The following KIF1B variants were observed in gnomAD, a reference collection of about 807,000 sequenced individuals.
KIF1B encodes the protein kinesin family member 1B, also known as kinesin-like protein KIF1B.
KIF1B carries 76 observed loss-of-function variants against 241.9 expected under a neutral mutation model. The ratio of observed to expected loss-of-function variants is 0.31; its 90% CI spans 0.26 to 0.38. The LOEUF is 0.38. Among genes scored for constraint, KIF1B ranks in the 10% least tolerant of loss-of-function variants. The pLI, the probability that KIF1B is intolerant of heterozygous loss-of-function variation, is 1.00. For synonymous variants in KIF1B, 750 were observed against 796.7 expected (o/e 0.94, Z 0.99); for missense variants, 1,622 against 2,271.4 (o/e 0.71, Z 5.81).
At chr1:10,235,063 T>G (rs1225370802) in intron 2 of KIF1B, among the ~76,000 whole-genome samples, 1 of 151,786 alleles carries the variant, frequency 6.6e-6, no homozygotes, top group Non-Finnish European at 1.5e-5. Context: ...CTAATTTTTG[T>G]ATTTTTAGTA....
At chr1:10,305,282 A>G in intron 22 of KIF1B, 3 of 1,043,988 alleles carry the variant, frequency 2.9e-6, no homozygotes, top group Non-Finnish European at 3.5e-6. Flanking sequence ...CAAAAAACTC[A>G]TATAATGGTT....
chr1:10,297,971 G>A (rs113999017), intron 22 of KIF1B, among the ~76,000 whole-genome samples: 2,852 of 152,198 alleles, frequency 0.019, 41 homozygotes, highest in Non-Finnish European at 0.028. Flanking sequence ...TTTTATAATG[G>A]TAATTGATTT....
intron 36 of KIF1B, 104 bp downstream of exon 36, chr1:10,347,931 G>A: frequency 1.0e-6 from 1 of 1,003,490 alleles, no homozygotes; most frequent in South Asian, 1.3e-5. Context: ...CTATTTCAGA[G>A]GGTGGGCGGG....
chr1:10,307,911 C>T, intron 22 of KIF1B: 1 of 1,050,282 alleles, frequency 9.5e-7, no homozygotes, highest in Non-Finnish European at 1.1e-6. Context: ...CTTCTAATTC[C>T]TTCTAGCCCA....
At chr1:10,318,938 A>C (rs908172087) in intron 22 of KIF1B, among the ~76,000 whole-genome samples, 1 of 152,094 alleles carries the variant, frequency 6.6e-6, no homozygotes, top group East Asian at 1.9e-4. Flanking sequence ...TATACTACAT[A>C]TCTGTATACT....
chr1:10,343,956 T>C (rs1260104902), intron 34 of KIF1B, among the ~76,000 whole-genome samples: 1 of 152,168 alleles, frequency 6.6e-6, no homozygotes, highest in Non-Finnish European at 1.5e-5. Flanking sequence ...GTAAATTTAT[T>C]CTGTATGTTC....
intron 27 of KIF1B, among the ~76,000 whole-genome samples, chr1:10,330,035 T>C (rs1284017775): frequency 6.6e-6 from 1 of 152,246 alleles, no homozygotes; most frequent in Non-Finnish European, 1.5e-5. Flanking sequence ...TTCTTATCTT[T>C]ATGTTGACCA....
rs1557644210 is a variant in KIF1B, at chr1:10,220,401, A to AGATAGATAGATAGATAGAT, written c.-80+9524_-80+9542dup. Among the ~76,000 whole-genome samples, 190 of 54,714 alleles carry AGATAGATAGATAGATAGAT rather than the reference A, an allele frequency of 3.5e-3. 1 individual carries two copies. In the East Asian group the frequency reaches 0.035, roughly 10 times the overall value. 35.9% of individuals were successfully genotyped at this position (54,714 alleles called of 152,430 possible). On this transcript the variant is annotated intron_variant, in intron 1 of 48. Coordinates refer to ENST00000676179, the MANE Select transcript of KIF1B (RefSeq NM_001365951.3). The stretch of plus-strand genomic sequence containing the variant: ...ATAGATAGATAGATAGATAGATGAT[A>AGATAGATAGATAGATAGAT]GATAGATAGATAGATAGATAGATAG...
At chr1:10,345,618 GA>G in intron 34 of KIF1B, 1 of 528,216 alleles carries the variant, frequency 1.9e-6, no homozygotes, top group South Asian at 2.1e-5. Flanking sequence ...AGTTTGTTGA[GA>G]AAAAAGATAC....
At chr1:10,311,174 GTT>G (rs1317798720) in intron 22 of KIF1B, among the ~76,000 whole-genome samples, 1 of 148,522 alleles carries the variant, frequency 6.7e-6, no homozygotes, top group Non-Finnish European at 1.5e-5. Context: ...AGTTGCAAAA[GTT>G]TTCTGTACTT....
intron 28 of KIF1B, among the ~76,000 whole-genome samples, chr1:10,336,096 C>T (rs377764943): frequency 6.6e-6 from 1 of 152,182 alleles, no homozygotes; most frequent in African/African-American, 2.4e-5. Context: ...ATCTTGCCAG[C>T]ATGGAGACAG....
intron 2 of KIF1B, among the ~76,000 whole-genome samples, chr1:10,254,476 T>C (rs1039075724): frequency 2.0e-5 from 3 of 152,168 alleles, no homozygotes; most frequent in Non-Finnish European, 4.4e-5. Flanking sequence ...ACACACACAC[T>C]AATCATTTAC....
In KIF1B at chr1:10,267,267, A is replaced by G. The variant is rs913879593; in HGVS notation, c.430-113A>G. ...CTCGTAGTTCGAGTGATCTCAAGTG[A>G]TCCGCCCTCCTTGGCCTCCCAAAGT... On this transcript the variant is annotated intron_variant, in intron 5 of 48. Transcript: ENST00000676179. 1.7e-4 allele frequency: 142 copies of G among 814,972 alleles called. 1 individual carries two copies. The highest frequency in any genetic ancestry group is 2.5e-5 in the Non-Finnish European group (12 of 475,814). 50.5% of individuals were successfully genotyped at this position (814,972 alleles called of 1,614,324 possible).
At chr1:10,364,743 A>T (rs61778399) in intron 41 of KIF1B, among the ~76,000 whole-genome samples, 49,728 of 151,636 alleles carry the variant, frequency 0.33, 8,291 homozygotes, top group Middle Eastern at 0.38. Flanking sequence ...GCGGTGGCTC[A>T]CGCCTGTAAT....
At chr1:10,230,624 C>T (rs558067848) in intron 1 of KIF1B, 3 of 152,080 alleles carry the variant, frequency 2.0e-5, no homozygotes, top group African/African-American at 7.2e-5. Context: ...TTAATAGAGA[C>T]GGGGTTTCAC....
chr1:10,378,253 C>G lies in KIF1B; in HGVS notation c.*1666C>G, dbSNP rs563647639. 1.4e-6 allele frequency: 1 copy of G among 712,896 alleles called. No homozygotes were observed. The highest frequency in any genetic ancestry group is 1.7e-5 in the African/African-American group (1 of 57,194). The allele number at this position is 712,896 out of a possible 1,614,324, so 44.2% of individuals were successfully genotyped here. A position where few individuals can be genotyped will look rare whatever the true frequency, so the allele number is the denominator to read the frequency against. ...CGGGCCCCAGGCTTTGTTGCGTGTTCCCTGCTCCTCTCCATCTGGTGTGGA... is the reference window on the plus strand; with the variant it reads ...CGGGCCCCAGGCTTTGTTGCGTGTTGCCTGCTCCTCTCCATCTGGTGTGGA... On this transcript the variant is annotated 3_prime_UTR_variant, in exon 49 of 49. Transcript: ENST00000676179.
At chr1:10,350,527 C>G (rs1652755249) in intron 37 of KIF1B, among the ~76,000 whole-genome samples, 1 of 152,018 alleles carries the variant, frequency 6.6e-6, no homozygotes, top group African/African-American at 2.4e-5. Context: ...CCACTGCACT[C>G]CAGCCTGGGC....
chr1:10,336,973 G>A, intron 29 of KIF1B, 101 bp from the exon 30 acceptor site: 5 of 1,501,530 alleles, frequency 3.3e-6, no homozygotes, highest in Non-Finnish European at 4.6e-6. Flanking sequence ...TAATTTTCCA[G>A]TCACTATTAT....
intron 27 of KIF1B, among the ~76,000 whole-genome samples, chr1:10,328,776 T>C (rs563320173): frequency 2.6e-5 from 4 of 152,352 alleles, no homozygotes; most frequent in African/African-American, 9.6e-5. Context: ...AGGAGAAGCC[T>C]TGGGTCCTAG....
Sources: allele counts gnomAD v4.1 joint callset (sites outside exome capture counted in the v4.1 genomes callset), GRCh38; gene constraint gnomAD v4.1.1; transcripts MANE v1.5; gene names NCBI Gene and HGNC (gene_info 2026-07-23, HGNC 2026-07-21).